PLCL1: variants seen among roughly 807,000 people sequenced by gnomAD.
PLCL1 encodes inactive phospholipase C-like protein 1.
A neutral mutation model predicts 84.4 loss-of-function variants in PLCL1; 41 were observed. That is an observed-to-expected ratio of 0.49 (90% confidence interval 0.38 to 0.63). PLCL1 has a LOEUF of 0.63. Ranked by LOEUF, PLCL1 falls within the 30% of genes least tolerant of loss-of-function variation. PLCL1 has a pLI of 0.00. For synonymous variants in PLCL1, 490 were observed against 488.3 expected (o/e 1.00, Z -0.05); for missense variants, 1,206 against 1,367.8 (o/e 0.88, Z 1.87).
At chr2:197,826,382 C>T (rs900379100) in intron 1 of PLCL1, among the ~76,000 whole-genome samples, 11 of 152,108 alleles carry the variant, frequency 7.2e-5, no homozygotes, top group African/African-American at 2.7e-4. Flanking sequence ...TGACTCTTTC[C>T]TTCAAATATT....
chr2:197,990,102 G>A (rs1574228724), intron 1 of PLCL1, among the ~76,000 whole-genome samples: 1 of 152,050 alleles, frequency 6.6e-6, no homozygotes, highest in African/African-American at 2.4e-5. Flanking sequence ...GTTACAGGGC[G>A]CTGCTCAATT....
intron 5 of PLCL1, among the ~76,000 whole-genome samples, chr2:198,119,227 A>C (rs1475993059): frequency 7.7e-6 from 1 of 130,256 alleles, no homozygotes; most frequent in African/African-American, 2.7e-5. Flanking sequence ...TGTGTAAGAA[A>C]ATTTAATTAA....
At chr2:197,868,593 G>C (rs1038211339) in intron 1 of PLCL1, among the ~76,000 whole-genome samples, 3 of 152,058 alleles carry the variant, frequency 2.0e-5, no homozygotes, top group Admixed American at 2.0e-4. Context: ...CTCATCTCCT[G>C]GGCGCAAGTG....
chr2:198,017,219 A>C (rs1312105895), intron 1 of PLCL1, among the ~76,000 whole-genome samples: 1 of 152,246 alleles, frequency 6.6e-6, no homozygotes, highest in Non-Finnish European at 1.5e-5. Flanking sequence ...ACCTTCACAA[A>C]GAACAATAGA....
intron 1 of PLCL1, among the ~76,000 whole-genome samples, chr2:197,855,486 C>A (rs1687315066): frequency 6.6e-6 from 1 of 152,044 alleles, no homozygotes; most frequent in Non-Finnish European, 1.5e-5. Flanking sequence ...TCCTTGTGAC[C>A]AAAATTCTGC....
intron 1 of PLCL1, among the ~76,000 whole-genome samples, chr2:197,821,766 A>G (rs1311007954): frequency 6.6e-6 from 1 of 152,158 alleles, no homozygotes; most frequent in Non-Finnish European, 1.5e-5. Context: ...AGTCTTTATC[A>G]GGATGGCCAT....
chr2:198,111,296 T>A (rs1693615679), intron 5 of PLCL1, among the ~76,000 whole-genome samples: 1 of 151,742 alleles, frequency 6.6e-6, no homozygotes, highest in Admixed American at 6.6e-5. Context: ...ATCCCAGAGG[T>A]AGGGATGCAA....
At chr2:198,117,267 T>G (rs2105924710) in intron 5 of PLCL1, among the ~76,000 whole-genome samples, 1 of 151,952 alleles carries the variant, frequency 6.6e-6, no homozygotes, top group African/African-American at 2.4e-5. Flanking sequence ...TGACTTGGGT[T>G]TCAGCAACAA....
chr2:198,094,450 A>G (rs1042489742), intron 3 of PLCL1, among the ~76,000 whole-genome samples: 2 of 152,194 alleles, frequency 1.3e-5, no homozygotes, highest in Non-Finnish European at 2.9e-5. Context: ...ATGTATTTGT[A>G]GCAAAATGGG....
intron 1 of PLCL1, among the ~76,000 whole-genome samples, chr2:198,000,090 T>A (rs1480768994): frequency 6.6e-6 from 1 of 152,210 alleles, no homozygotes; most frequent in Non-Finnish European, 1.5e-5. Flanking sequence ...AGTTTTATAC[T>A]GAAAATAGAA....
rs79650330 is a variant in PLCL1, at chr2:198,025,861, T to C, written c.241-57897T>C. ...CCTTTTCTGAAAATCTTAAAAATTT[T>C]AAGATTGTGAATTTTTAAAATAGTG... On this transcript the variant is annotated intron_variant, in intron 1 of 5. Transcript: ENST00000428675. 7.9e-5 allele frequency among the ~76,000 whole-genome samples: 12 copies of C among 152,250 alleles called. No individual in the cohort carries two copies. In the East Asian group the frequency reaches 2.3e-3, roughly 29 times the overall value.
intron 3 of PLCL1, among the ~76,000 whole-genome samples, chr2:198,094,100 C>T (rs886743886): frequency 1.3e-5 from 2 of 152,046 alleles, no homozygotes; most frequent in African/African-American, 4.8e-5. Context: ...CTCACTCTGT[C>T]GCCCAGACTG....
At chr2:198,139,058 G>A (rs566219155) in intron 5 of PLCL1, among the ~76,000 whole-genome samples, 1 of 152,238 alleles carries the variant, frequency 6.6e-6, no homozygotes, top group East Asian at 1.9e-4. Context: ...AGGAGGCTGA[G>A]GCAGGAGAAT....
chr2:197,965,024 T>C (rs1338521176), intron 1 of PLCL1, among the ~76,000 whole-genome samples: 1 of 152,132 alleles, frequency 6.6e-6, no homozygotes, highest in Non-Finnish European at 1.5e-5. Flanking sequence ...TTTTCTTTTA[T>C]TGATGTATCT....
Position 198,147,586 on chromosome 2 carries a change from C to A in PLCL1, c.*624C>A, listed in dbSNP as rs1461926895. Reference sequence around the variant, plus strand: ...GAATTTCTAAAAAGATTAGCAAGGTCATTTCTTCAGTCAGAAAACTTTAAA... The same window carrying A: ...GAATTTCTAAAAAGATTAGCAAGGTAATTTCTTCAGTCAGAAAACTTTAAA... On this transcript the variant is annotated 3_prime_UTR_variant, in exon 6 of 6. Transcript: ENST00000428675. 1.3e-5 allele frequency: 2 copies of A among 152,082 alleles called. No individual in the cohort carries two copies. Among genetic ancestry groups the A allele is most frequent in the African/African-American group, 2.4e-5 (1 of 41,384 alleles). The allele number at this position is 152,082 out of a possible 1,614,324, so 9.4% of individuals were successfully genotyped here. A position where few individuals can be genotyped will look rare whatever the true frequency, so the allele number is the denominator to read the frequency against.
intron 1 of PLCL1, among the ~76,000 whole-genome samples, chr2:197,993,496 A>G (rs1690387496): frequency 1.3e-5 from 2 of 152,160 alleles, no homozygotes; most frequent in African/African-American, 4.8e-5. Flanking sequence ...GAGCTTGGTG[A>G]AGAGATTATT....
In PLCL1 at chr2:197,922,956, A is replaced by AC. The variant is rs1159783643; in HGVS notation, c.240+117624dup. 1.0e-4 allele frequency among the ~76,000 whole-genome samples: 8 copies of AC among 78,750 alleles called. 1 individual carries two copies. The highest frequency in any genetic ancestry group is 1.5e-4 in the Non-Finnish European group (6 of 39,646). 51.7% of individuals were successfully genotyped at this position (78,750 alleles called of 152,430 possible). A position where few individuals can be genotyped will look rare whatever the true frequency, so the allele number is the denominator to read the frequency against. ...GGGCGGCTGGCCGGGCGGGGGGCTGACCCCCCCACCTCCCTCCCGGACCGG... is the reference window on the plus strand; with the variant it reads ...GGGCGGCTGGCCGGGCGGGGGGCTGACCCCCCCCACCTCCCTCCCGGACCGG... On this transcript the variant is annotated intron_variant, in intron 1 of 5. Transcript: ENST00000428675.
At chr2:197,847,850 A>G (rs1452756812) in intron 1 of PLCL1, among the ~76,000 whole-genome samples, 1 of 152,230 alleles carries the variant, frequency 6.6e-6, no homozygotes, top group Non-Finnish European at 1.5e-5. Flanking sequence ...AGTTGGCAGT[A>G]TCTGTCTTAG....
chr2:197,957,944 T>C (rs1689524395), intron 1 of PLCL1, among the ~76,000 whole-genome samples: 1 of 152,122 alleles, frequency 6.6e-6, no homozygotes, highest in Non-Finnish European at 1.5e-5. Context: ...ACGTTATTAA[T>C]AGACTAATTT....
Sources: gnomAD v4.1 joint callset for allele counts (sites outside exome capture counted in the v4.1 genomes callset) on GRCh38, gnomAD v4.1.1 for gene constraint, MANE v1.5 for transcripts, NCBI Gene and HGNC (gene_info 2026-07-23, HGNC 2026-07-21) for gene names.